The following SINHCAF variants were observed in gnomAD, a reference collection of about 807,000 sequenced individuals.
SINHCAF encodes SIN3-HDAC complex associated factor.
SINHCAF carries 3 observed loss-of-function variants against 25.8 expected under a neutral mutation model. The observed-to-expected ratio is 0.12, with a 90% CI of 0.05 to 0.30. The LOEUF is 0.30. Among genes scored for constraint, SINHCAF ranks in the 10% least tolerant of loss-of-function variants. The probability of loss-of-function intolerance (pLI) is 1.00; values close to 1 mark genes in which losing one functional copy is unlikely to be tolerated. For synonymous variants in SINHCAF, 70 were observed against 85.5 expected (o/e 0.82, Z 1.00); for missense variants, 121 against 262.3 (o/e 0.46, Z 3.72).
chr12:31,285,113 C>T (rs534543200), intron 5 of SINHCAF, among the ~76,000 whole-genome samples: 7 of 152,190 alleles, frequency 4.6e-5, no homozygotes, highest in East Asian at 3.9e-4. Flanking sequence ...AACGGCCGGG[C>T]GCAGTGGTTC....
chr12:31,315,344 C>CTTTT (rs1939457424), intron 1 of SINHCAF, among the ~76,000 whole-genome samples: 1 of 152,306 alleles, frequency 6.6e-6, no homozygotes, highest in Non-Finnish European at 1.5e-5. Flanking sequence ...ATCTGATAAA[C>CTTTT]AAGTTTACAA....
At position 31,317,274 on chromosome 12, in the gene SINHCAF, A is replaced by T. The variant is rs536703890; in HGVS notation, c.-21+8750T>A. Among the ~76,000 whole-genome samples the T allele has an allele frequency of 3.9e-5, 6 of 152,316 alleles. No homozygotes were observed. In the South Asian group the frequency reaches 1.2e-3, roughly 32 times the overall value. The stretch of plus-strand genomic sequence containing the variant: ...ATGAAACTATCCTTAAGTTTCCAAT[A>T]AACCAAAACCCTAGCTTCTAATTAT... On this transcript the variant is annotated intron_variant, in intron 1 of 5. Transcript: ENST00000337682.
chr12:31,286,662 C>CAAAAAAAAAAAAAAAAAAAAAAAAAAA (rs999169211), intron 5 of SINHCAF, among the ~76,000 whole-genome samples: 1 of 55,218 alleles, frequency 1.8e-5, no homozygotes. Context: ...AACTCCGTCT[C>CAAAAAAAAAAAAAAAAAAAAAAAAAAA]AAAAAAAAAA....
intron 1 of SINHCAF, chr12:31,303,319 C>A: frequency 5.4e-6 from 4 of 747,254 alleles, no homozygotes; most frequent in Non-Finnish European, 6.5e-6. Context: ...ATTGGGAAGG[C>A]TCATTCCCAG....
At chr12:31,301,590 C>T (rs1239386416) in intron 1 of SINHCAF, among the ~76,000 whole-genome samples, 2 of 152,118 alleles carry the variant, frequency 1.3e-5, no homozygotes, top group African/African-American at 4.8e-5. Flanking sequence ...TTAAGAGGCA[C>T]CTGGGAATCT....
At chr12:31,292,509 A>G (rs1938369395) in intron 4 of SINHCAF, among the ~76,000 whole-genome samples, 1 of 152,064 alleles carries the variant, frequency 6.6e-6, no homozygotes, top group African/African-American at 2.4e-5. Flanking sequence ...AAAAAAAAAA[A>G]AGAAATAAAA....
chr12:31,303,014 GTCTA>G (rs766069913), intron 1 of SINHCAF: 5 of 984,754 alleles, frequency 5.1e-6, no homozygotes, highest in Non-Finnish European at 4.8e-6. Context: ...TCATCTATCT[GTCTA>G]TCTACAATAT....
intron 4 of SINHCAF, among the ~76,000 whole-genome samples, chr12:31,292,130 G>C (rs1179780256): frequency 6.6e-6 from 1 of 152,212 alleles, no homozygotes; most frequent in African/African-American, 2.4e-5. Flanking sequence ...AAAGGGCTAA[G>C]AATATACATA....
At chr12:31,320,383 A>G (rs1378990932) in intron 1 of SINHCAF, among the ~76,000 whole-genome samples, 2 of 152,198 alleles carry the variant, frequency 1.3e-5, no homozygotes. Context: ...AGAATTACTT[A>G]TTTTACAAAA....
intron 5 of SINHCAF, among the ~76,000 whole-genome samples, chr12:31,284,346 T>TA (rs1368726414): frequency 2.6e-5 from 4 of 152,268 alleles, no homozygotes; most frequent in African/African-American, 9.6e-5. Context: ...GATTCCTTTC[T>TA]AAGTGTGTCC....
rs373505788 is a variant in SINHCAF, at chr12:31,293,848, T to C, written c.312A>G (p.Lys104=). ...KVKTLSGNRI[K]SNQISKLQKE... ...TCTGCAGTTTACTGATCTGGTTGCTTTTTATCCTGTTCCCAGATAGAGTTT... is the reference window on the plus strand; with the variant it reads ...TCTGCAGTTTACTGATCTGGTTGCTCTTTATCCTGTTCCCAGATAGAGTTT... Residue 104 remains lysine, a synonymous_variant, in exon 4 of 6, where the codon AAA becomes AAG. Transcript: ENST00000337682. 5.0e-6 allele frequency: 8 copies of C among 1,613,270 alleles called. No homozygotes were observed. The highest frequency in any genetic ancestry group is 6.8e-6 in the Non-Finnish European group (8 of 1,179,738).
intron 5 of SINHCAF, among the ~76,000 whole-genome samples, chr12:31,283,913 A>T (rs1937924172): frequency 6.7e-6 from 1 of 150,196 alleles, no homozygotes; most frequent in Non-Finnish European, 1.5e-5. Context: ...GTATTCTGCA[A>T]TGTTTTAGTC....
At chr12:31,300,876 G>A (rs1938762969) in intron 1 of SINHCAF, among the ~76,000 whole-genome samples, 1 of 152,022 alleles carries the variant, frequency 6.6e-6, no homozygotes, top group Non-Finnish European at 1.5e-5. Context: ...CATAACTCTT[G>A]GAAACTTCAG....
chr12:31,313,027 CT>C (rs1939339916), intron 1 of SINHCAF, among the ~76,000 whole-genome samples: 1 of 152,030 alleles, frequency 6.6e-6, no homozygotes, highest in Non-Finnish European at 1.5e-5. Flanking sequence ...AAAGATCACT[CT>C]TTTCTTTTTT....
At chr12:31,294,438 T>C (rs144973421) in intron 3 of SINHCAF, among the ~76,000 whole-genome samples, 64 of 152,270 alleles carry the variant, frequency 4.2e-4, no homozygotes, top group African/African-American at 1.4e-3. Context: ...GGGGAGAAGA[T>C]TGGAATCAAG....
chr12:31,308,631 G>A (rs1033155493), intron 1 of SINHCAF, among the ~76,000 whole-genome samples: 1 of 152,164 alleles, frequency 6.6e-6, no homozygotes, highest in Non-Finnish European at 1.5e-5. Flanking sequence ...TACACTGGAT[G>A]AGGGATGAGG....
chr12:31,299,935 A>G (rs1438806248), intron 1 of SINHCAF, among the ~76,000 whole-genome samples: 1 of 152,230 alleles, frequency 6.6e-6, no homozygotes, highest in Non-Finnish European at 1.5e-5. Flanking sequence ...ACTGTAATAC[A>G]ATGGTAAGAA....
In SINHCAF at chr12:31,325,143, T is replaced by A. The variant is rs1565510131; in HGVS notation, c.-21+881A>T. ...CCATCTCCAGCCAAGTTGGCTTCCC[T>A]GGCCATCTTACAGCGCGGACGGCCG... is the stretch of plus-strand genomic sequence containing the variant. On this transcript the variant is annotated intron_variant, in intron 1 of 5. Transcript: ENST00000337682. The surrounding 1 kb of genome is among the most constrained non-coding windows in gnomAD (Gnocchi z 5.9). 6 of 456,774 alleles carry A rather than the reference T, an allele frequency of 1.3e-5. No individual in the cohort carries two copies. Among genetic ancestry groups the A allele is most frequent in the Non-Finnish European group, 2.2e-5 (5 of 226,976 alleles). The allele number at this position is 456,774 out of a possible 1,614,324, so 28.3% of individuals were successfully genotyped here.
rs558034841 is a variant in SINHCAF, at chr12:31,310,455, C to T, written c.-20-12231G>A. ...ATCATCCTGTTTCCATTTCAATGTC[C>T]TGCAATTCCTTTTAAAATGCCTAGT... On this transcript the variant is annotated intron_variant, in intron 1 of 5. Transcript: ENST00000337682. Among the ~76,000 whole-genome samples, 19 of 152,268 alleles carry T rather than the reference C, an allele frequency of 1.2e-4. 1 individual carries two copies. The South Asian group carries it at 3.9e-3, about 32-fold the overall frequency.
Sources: allele counts gnomAD v4.1 joint callset (sites outside exome capture counted in the v4.1 genomes callset), GRCh38; gene constraint gnomAD v4.1.1; non-coding constraint Gnocchi (gnomAD v3.1); transcripts MANE v1.5; gene names NCBI Gene and HGNC (gene_info 2026-07-23, HGNC 2026-07-21).